Variants in CENPM observed in about 807,000 individuals in gnomAD.
The protein encoded by CENPM is interphase centromere complex protein 39.
In CENPM, 14 loss-of-function variants were observed where a neutral mutation model predicts 19.6. The ratio of observed to expected loss-of-function variants is 0.71; its 90% CI spans 0.47 to 1.11. The LOEUF (loss-of-function observed/expected upper bound fraction) is 1.11. CENPM is among the 50% of genes most tolerant of loss of function. CENPM has a pLI of 0.00. For synonymous variants in CENPM, 114 were observed against 101.5 expected, an observed-to-expected ratio of 1.12 and a Z score of -0.74; for missense variants, 239 against 228.4, an observed-to-expected ratio of 1.05 and a Z score of -0.30.
Position 41,946,753 on chromosome 22 carries a change from C to G in CENPM, c.58-257G>C, listed in dbSNP as rs1363850416. ...CCGGCCTCTCCAGGAGGCCAGACCC[C>G]CAGACGCGGGAAAACCAATTCCAGG... On this transcript the variant is annotated intron_variant, in intron 1 of 5. Transcript: ENST00000215980. 4 of 599,846 alleles carry G rather than the reference C, an allele frequency of 6.7e-6. No individual in the cohort carries two copies. The African/African-American group carries it at 7.4e-5, about 11-fold the overall frequency. The allele number at this position is 599,846 out of a possible 1,614,324, so 37.2% of individuals were successfully genotyped here.
chr22:41,936,068 C>T (rs544502669), downstream of CENPM, among the ~76,000 whole-genome samples: 2 of 152,170 alleles, frequency 1.3e-5, no homozygotes, highest in Non-Finnish European at 2.9e-5. Context: ...CGGGGTTTCA[C>T]CGTGTTACTC....
At chr22:41,934,225 T>C (rs9620001), downstream of CENPM, among the ~76,000 whole-genome samples, 41,050 of 151,982 alleles carry the variant, frequency 0.27, 6,419 homozygotes, top group African/African-American at 0.4. Flanking sequence ...GCCTCCTTGG[T>C]AGGGATGGGA....
At chr22:41,946,651 G>A in intron 1 of CENPM, 155 bp from the exon 2 acceptor site, 1 of 654,382 alleles carries the variant, frequency 1.5e-6, no homozygotes, top group Non-Finnish European at 2.6e-6. Context: ...AGCGGCACGG[G>A]CTGGGGGCCT....
intron 5 of CENPM, among the ~76,000 whole-genome samples, chr22:41,942,846 G>A (rs2077754883): frequency 6.6e-6 from 1 of 151,948 alleles, no homozygotes; most frequent in Admixed American, 6.6e-5. Context: ...GAGGTGGGAG[G>A]TTCACTTGAG....
chr22:41,929,092 A>G, the CENPM span, among the ~76,000 whole-genome samples: 2 of 93,238 alleles, frequency 2.1e-5, no homozygotes, highest in Admixed American at 1.2e-4. Context: ...GGTGTGGGTG[A>G]GCGTGGGTGT....
At chr22:41,942,676 G>A (rs771319379) in intron 5 of CENPM, among the ~76,000 whole-genome samples, 3 of 151,754 alleles carry the variant, frequency 2.0e-5, no homozygotes, top group East Asian at 1.9e-4. Flanking sequence ...GCGTGAACTC[G>A]GGAGGCAGAG....
chr22:41,943,555 C>A, intron 5 of CENPM, 55 bp downstream of exon 5: 1 of 1,505,680 alleles, frequency 6.6e-7, no homozygotes. Flanking sequence ...TGTGTGCTGA[C>A]CACCCTTTCC....
the CENPM span, among the ~76,000 whole-genome samples, chr22:41,929,378 C>A: frequency 6.6e-6 from 1 of 152,132 alleles, no homozygotes; most frequent in Non-Finnish European, 1.5e-5. Flanking sequence ...CAGACTGAGG[C>A]TTGTGGGAAC....
intron 1 of CENPM, 158 bp downstream of exon 1, chr22:41,946,862 T>C: frequency 1.5e-6 from 1 of 683,044 alleles, no homozygotes; most frequent in East Asian, 2.7e-5. Flanking sequence ...AGAGAGCGGC[T>C]ACTCCAATTG....
At chr22:41,928,086 T>G in the CENPM span, 1 of 317,778 alleles carries the variant, frequency 3.1e-6, no homozygotes, top group Non-Finnish European at 6.4e-6. This position sits in a 1 kb window ranked among gnomAD's most constrained non-coding sequence, Gnocchi z 4.0. Flanking sequence ...TGGGGCCTTA[T>G]CTAGCACATT....
downstream of CENPM, among the ~76,000 whole-genome samples, chr22:41,936,292 T>G (rs1050252856): frequency 1.3e-5 from 2 of 152,236 alleles, no homozygotes; most frequent in African/African-American, 4.8e-5. Context: ...ACGGTCTGTT[T>G]CATGAACTGT....
the CENPM span, among the ~76,000 whole-genome samples, chr22:41,932,217 G>C: frequency 1.3e-5 from 2 of 152,190 alleles, no homozygotes; most frequent in African/African-American, 4.8e-5. This position sits in a 1 kb window ranked among gnomAD's most constrained non-coding sequence, Gnocchi z 4.3. Flanking sequence ...ACCCCTTGTG[G>C]TTATTTCCTT....
chr22:41,946,259 G>T, intron 2 of CENPM, 158 bp downstream of exon 2: 1 of 682,280 alleles, frequency 1.5e-6, no homozygotes, highest in Non-Finnish European at 2.5e-6. Context: ...AGGGGAGGTT[G>T]GGATATAAGA....
At chr22:41,941,812 T>C (rs940548859) in intron 5 of CENPM, among the ~76,000 whole-genome samples, 4 of 152,176 alleles carry the variant, frequency 2.6e-5, no homozygotes, top group African/African-American at 9.7e-5. Flanking sequence ...GGAAATCAAA[T>C]GCGTGATAGA....
At chr22:41,943,519 T>C in intron 5 of CENPM, 91 bp downstream of exon 5, 1 of 1,127,542 alleles carries the variant, frequency 8.9e-7, no homozygotes, top group Non-Finnish European at 1.3e-6. Flanking sequence ...ACTAAGTCCT[T>C]CGATAAGCAT....
At chr22:41,939,461 G>C (rs1423088509) in intron 5 of CENPM, among the ~76,000 whole-genome samples, 2 of 152,166 alleles carry the variant, frequency 1.3e-5, no homozygotes, top group Admixed American at 6.5e-5. Flanking sequence ...GCTTAACAAG[G>C]CTGGCTAGGT....
the CENPM span, chr22:41,928,097 A>G: frequency 3.0e-6 from 1 of 338,540 alleles, no homozygotes; most frequent in Non-Finnish European, 5.9e-6. This position sits in a 1 kb window ranked among gnomAD's most constrained non-coding sequence, Gnocchi z 4.0. Context: ...CTAGCACATT[A>G]GGGAGCTTGG....
downstream of CENPM, among the ~76,000 whole-genome samples, chr22:41,935,166 G>C (rs983398639): frequency 2.0e-5 from 3 of 152,222 alleles, no homozygotes; most frequent in Non-Finnish European, 4.4e-5. Context: ...CCAGTGCTTG[G>C]AAGGTTCCCA....
At chr22:41,943,783 C>T in intron 4 of CENPM, 82 bp from the exon 5 acceptor site, 2 of 1,224,794 alleles carry the variant, frequency 1.6e-6, no homozygotes, top group Non-Finnish European at 2.3e-6. Flanking sequence ...GAGTCACTCA[C>T]TTCCCCACTC....
Sources: gnomAD v4.1 joint callset for allele counts (sites outside exome capture counted in the v4.1 genomes callset) on GRCh38, gnomAD v4.1.1 for gene constraint, Gnocchi (gnomAD v3.1) non-coding constraint, MANE v1.5 for transcripts, NCBI Gene and HGNC (gene_info 2026-07-23, HGNC 2026-07-21) for gene names.